Variants in LRRC1 observed in about 807,000 individuals in gnomAD.
The protein encoded by LRRC1 is leucine-rich repeat-containing protein 1.
Under a neutral mutation model 69.9 loss-of-function variants are expected in LRRC1, and 28 were observed. That is an observed-to-expected ratio of 0.40 (90% CI 0.30 to 0.55). The LOEUF is 0.55. Among genes scored for constraint, LRRC1 ranks in the 20% least tolerant of loss-of-function variants. The pLI is 0.47. For synonymous variants in LRRC1, 236 were observed against 240.2 expected (o/e 0.98, Z 0.16); for missense variants, 498 against 609.0 (o/e 0.82, Z 1.92).
At chr6:53,825,654 C>T (rs141584367) in intron 1 of LRRC1, among the ~76,000 whole-genome samples, 45 of 152,158 alleles carry the variant, frequency 3.0e-4, no homozygotes, top group Non-Finnish European at 5.3e-4. Context: ...TGAAATGCAT[C>T]GCCTCACTGC....
intron 4 of LRRC1, among the ~76,000 whole-genome samples, chr6:53,895,406 A>T (rs1418332983): frequency 7.9e-5 from 12 of 152,076 alleles, no homozygotes; most frequent in Admixed American, 7.9e-4. Flanking sequence ...ACATTTCTGG[A>T]TGTTATAAAA....
At chr6:53,853,620 C>T (rs1766216414) in intron 2 of LRRC1, among the ~76,000 whole-genome samples, 5 of 152,054 alleles carry the variant, frequency 3.3e-5, no homozygotes, top group Admixed American at 3.3e-4. Flanking sequence ...GGGTATCATC[C>T]CATAAAAAGT....
At chr6:53,810,280 C>G (rs1764753644) in intron 1 of LRRC1, among the ~76,000 whole-genome samples, 1 of 152,170 alleles carries the variant, frequency 6.6e-6, no homozygotes. Context: ...ACCATCTGCT[C>G]AGGAAAAATC....
intron 2 of LRRC1, among the ~76,000 whole-genome samples, chr6:53,858,546 A>T (rs1452793877): frequency 6.6e-6 from 1 of 152,226 alleles, no homozygotes; most frequent in African/African-American, 2.4e-5. Flanking sequence ...AGGGCCCATC[A>T]TATATCAGTT....
At chr6:53,888,201 C>G (rs16884427) in intron 4 of LRRC1, among the ~76,000 whole-genome samples, 33,938 of 152,088 alleles carry the variant, frequency 0.22, 3,961 homozygotes, top group Middle Eastern at 0.33. Context: ...AAATGAGTTA[C>G]TCTTCAGATG....
intron 1 of LRRC1, among the ~76,000 whole-genome samples, chr6:53,810,615 G>A (rs531464545): frequency 3.3e-4 from 50 of 150,242 alleles, no homozygotes; most frequent in Middle Eastern, 6.8e-3. Context: ...GCGAGACTCC[G>A]TCTCAAAAAA....
chr6:53,897,666 A>G (rs949489665), intron 7 of LRRC1, among the ~76,000 whole-genome samples: 1 of 152,216 alleles, frequency 6.6e-6, no homozygotes, highest in African/African-American at 2.4e-5. Context: ...GTAAATTGCC[A>G]GGACCCATGA....
intron 1 of LRRC1, among the ~76,000 whole-genome samples, chr6:53,832,546 T>G (rs1036031112): frequency 3.9e-5 from 6 of 152,196 alleles, no homozygotes; most frequent in Non-Finnish European, 7.3e-5. Flanking sequence ...CACATCAAAA[T>G]ATAAAAAACA....
intron 11 of LRRC1, among the ~76,000 whole-genome samples, chr6:53,916,456 T>TACTG (rs1440708734): frequency 6.6e-6 from 1 of 152,142 alleles, no homozygotes; most frequent in Non-Finnish European, 1.5e-5. Context: ...AGACCCAAGA[T>TACTG]ACTGAGTGAA....
chr6:53,809,586 C>T (rs1040325815), intron 1 of LRRC1, among the ~76,000 whole-genome samples: 3 of 152,200 alleles, frequency 2.0e-5, no homozygotes, highest in Admixed American at 6.5e-5. Context: ...AAGGTAAATA[C>T]AGCAGAAGAT....
chr6:53,862,933 C>T (rs1259967511), intron 2 of LRRC1, among the ~76,000 whole-genome samples: 1 of 152,162 alleles, frequency 6.6e-6, no homozygotes, highest in Non-Finnish European at 1.5e-5. Context: ...TATTTTTAAG[C>T]AGGATTGAGT....
At position 53,920,626 on chromosome 6, in the gene LRRC1, G is replaced by A. The variant is rs769341733; in HGVS notation, c.1281G>A (p.Glu427=). 6.2e-7 allele frequency: 1 copy of A among 1,614,048 alleles called. No individual in the cohort carries two copies. Among genetic ancestry groups the A allele is most frequent in the African/African-American group, 1.3e-5 (1 of 74,926 alleles). ...PQLPSEPTCQ[E]NLPRCGALEN... is the part of the protein sequence containing the mutation. ...CTTATGTGGTCTTTGTCACTGCAGA[G>A]AATCTGCCTCGCTGTGGTGCACTGG... Residue 427 remains glutamate, a splice_region_variant and synonymous_variant, in exon 13 of 14, where the codon GAG becomes GAA. Transcript: ENST00000370888.
At chr6:53,868,297 C>T (rs556419713) in intron 2 of LRRC1, among the ~76,000 whole-genome samples, 7 of 151,358 alleles carry the variant, frequency 4.6e-5, no homozygotes, top group South Asian at 4.2e-4. Flanking sequence ...TCTTGGCTCA[C>T]GGCAACCTCT....
chr6:53,869,938 T>C (rs544729357), intron 2 of LRRC1, among the ~76,000 whole-genome samples: 2 of 152,318 alleles, frequency 1.3e-5, no homozygotes, highest in African/African-American at 4.8e-5. Flanking sequence ...CACTATTGCC[T>C]TTCTTGTCTA....
intron 2 of LRRC1, among the ~76,000 whole-genome samples, chr6:53,860,816 T>G (rs775631921): frequency 2.0e-5 from 3 of 152,146 alleles, no homozygotes; most frequent in Non-Finnish European, 2.9e-5. Context: ...AATAGCTTTA[T>G]TATGGGGGTG....
At chr6:53,854,237 T>C (rs2127420617) in intron 2 of LRRC1, among the ~76,000 whole-genome samples, 1 of 152,334 alleles carries the variant, frequency 6.6e-6, no homozygotes, top group Admixed American at 6.5e-5. Context: ...TCAGCAGGTT[T>C]CCTTGTTTTA....
intron 1 of LRRC1, among the ~76,000 whole-genome samples, chr6:53,831,563 G>A (rs1423121224): frequency 6.6e-6 from 1 of 152,156 alleles, no homozygotes; most frequent in Non-Finnish European, 1.5e-5. Context: ...TGGTTAGTCA[G>A]GTCCCTCCCT....
chr6:53,807,780 A>C (rs1039067833), intron 1 of LRRC1, among the ~76,000 whole-genome samples: 1 of 135,266 alleles, frequency 7.4e-6, no homozygotes, highest in Non-Finnish European at 1.6e-5. Flanking sequence ...AACAACAACA[A>C]CACCCCCCAA....
chr6:53,917,160 G>A (rs1227969928), intron 11 of LRRC1, among the ~76,000 whole-genome samples: 2 of 152,204 alleles, frequency 1.3e-5, no homozygotes, highest in Admixed American at 1.3e-4. Flanking sequence ...GTTTACCCAA[G>A]AGAGACAGAA....
Sources: allele counts gnomAD v4.1 joint callset (sites outside exome capture counted in the v4.1 genomes callset), GRCh38; gene constraint gnomAD v4.1.1; transcripts MANE v1.5; gene names NCBI Gene and HGNC (gene_info 2026-07-23, HGNC 2026-07-21).